The following SNX6 variants were observed in gnomAD, a reference collection of about 807,000 sequenced individuals.
The protein encoded by SNX6 is sorting nexin 6, also known as sorting nexin-6.
Under a neutral mutation model 63.0 loss-of-function variants are expected in SNX6, and 34 were observed. The observed-to-expected ratio is 0.54, with a 90% CI of 0.41 to 0.72. The LOEUF is 0.72. Among genes scored for constraint, SNX6 ranks in the 30% least tolerant of loss-of-function variants. The pLI, the probability that SNX6 is intolerant of heterozygous loss-of-function variation, is 0.00. For synonymous variants in SNX6, 170 were observed against 164.2 expected (o/e 1.04, Z -0.27); for missense variants, 398 against 471.4 (o/e 0.84, Z 1.44).
intron 2 of SNX6, chr14:34,629,700 C>T: frequency 3.6e-6 from 3 of 834,684 alleles, no homozygotes; most frequent in Non-Finnish European, 3.9e-6. Flanking sequence ...AAGAAAGCGG[C>T]CGCGGGTCCC....
chr14:34,612,166 C>A (rs1293613921), intron 2 of SNX6, among the ~76,000 whole-genome samples: 1 of 152,032 alleles, frequency 6.6e-6, no homozygotes, highest in East Asian at 1.9e-4. Flanking sequence ...GTCTTGAACT[C>A]CCGAGCTCAG....
chr14:34,594,709 T>C (rs1566478754), intron 7 of SNX6, among the ~76,000 whole-genome samples: 2 of 152,036 alleles, frequency 1.3e-5, no homozygotes, highest in Non-Finnish European at 2.9e-5. Context: ...TTACCAATCA[T>C]TAAATGAAAA....
chr14:34,602,348 C>G (rs974880921), intron 6 of SNX6, among the ~76,000 whole-genome samples: 3 of 151,678 alleles, frequency 2.0e-5, no homozygotes, highest in African/African-American at 7.3e-5. Flanking sequence ...ATTGCTTGAA[C>G]CAAGGAGGCA....
intron 5 of SNX6, among the ~76,000 whole-genome samples, chr14:34,604,710 G>GT (rs35057195): frequency 0.39 from 59,971 of 151,830 alleles, 13,140 homozygotes; most frequent in East Asian, 0.74. Flanking sequence ...TATGGGTTGA[G>GT]TATCCCTACC....
At chr14:34,583,035 G>A (rs1030102238) in intron 9 of SNX6, among the ~76,000 whole-genome samples, 11 of 151,034 alleles carry the variant, frequency 7.3e-5, no homozygotes, top group African/African-American at 1.9e-4. Context: ...GGCTGGGTGC[G>A]GTGGCTCATG....
In SNX6 at chr14:34,589,330, C is replaced by T. The variant is rs1203940943; in HGVS notation, c.719-3025G>A. Among the ~76,000 whole-genome samples the T allele has an allele frequency of 2.0e-5, 3 of 152,080 alleles. No homozygotes were observed. The South Asian group carries it at 6.2e-4, about 32-fold the overall frequency. ...ATTAGCCAGGCTTGGTGGTATGTGC[C>T]TGTAATCCCAGCTACTCATGAGGCT... is the stretch of plus-strand genomic sequence containing the variant. On this transcript the variant is annotated intron_variant, in intron 8 of 13. Transcript: ENST00000362031.
intron 5 of SNX6, chr14:34,604,134 C>T (rs1178803375): frequency 3.2e-6 from 4 of 1,267,738 alleles, no homozygotes; most frequent in African/African-American, 3.1e-5. Context: ...GTTTTACATA[C>T]CAGCAAACCA....
chr14:34,579,319 C>T (rs984183026), intron 10 of SNX6, among the ~76,000 whole-genome samples: 2 of 151,816 alleles, frequency 1.3e-5, no homozygotes, highest in African/African-American at 4.8e-5. Context: ...AATACTATAC[C>T]GCAAGAAGAA....
intron 8 of SNX6, 159 bp from the exon 9 acceptor site, chr14:34,586,464 T>C (rs1055531799): frequency 2.5e-6 from 1 of 402,584 alleles, no homozygotes; most frequent in Non-Finnish European, 4.6e-6. Flanking sequence ...CCCAACACTT[T>C]GGGAGGCTGG....
At chr14:34,587,053 A>G (rs1882195734) in intron 8 of SNX6, among the ~76,000 whole-genome samples, 2 of 150,530 alleles carry the variant, frequency 1.3e-5, no homozygotes, top group South Asian at 2.1e-4. Flanking sequence ...AATAAGAAGT[A>G]TAACTTTCTT....
intron 11 of SNX6, among the ~76,000 whole-genome samples, chr14:34,571,205 A>G (rs1881437036): frequency 6.6e-6 from 1 of 151,674 alleles, no homozygotes; most frequent in Admixed American, 6.6e-5. Flanking sequence ...AGGCTGAGGC[A>G]GGTGGATCAC....
At chr14:34,574,167 C>A (rs1881581634) in intron 11 of SNX6, among the ~76,000 whole-genome samples, 2 of 150,318 alleles carry the variant, frequency 1.3e-5, no homozygotes, top group South Asian at 4.2e-4. Flanking sequence ...GAAACTCCAT[C>A]TCTACTAAAA....
chr14:34,629,294 G>A (rs569571504), intron 2 of SNX6, among the ~76,000 whole-genome samples: 48 of 151,478 alleles, frequency 3.2e-4, no homozygotes, highest in African/African-American at 1.1e-3. Context: ...AGCTAAGGGG[G>A]AATAAAACAC....
intron 8 of SNX6, among the ~76,000 whole-genome samples, chr14:34,587,380 AG>A (rs1221141141): frequency 5.9e-5 from 9 of 151,748 alleles, no homozygotes; most frequent in Admixed American, 6.6e-5. Context: ...AAAATACAAA[AG>A]AATTAGCCGA....
intron 7 of SNX6, 101 bp downstream of exon 7, chr14:34,597,449 C>CA: frequency 1.3e-6 from 1 of 750,670 alleles, no homozygotes; most frequent in African/African-American, 1.8e-5. Context: ...TCTAACCGTC[C>CA]AAATGTCTTT....
Position 34,563,115 on chromosome 14 carries a change from G to C in SNX6, c.*7C>G. On this transcript the variant is annotated 3_prime_UTR_variant, in exon 14 of 14. Transcript: ENST00000362031. ...CAGCCCTTTTTAACAGGAAGGCGGAGTGTGGCTTATGTGTCTCCATTTAAC... is the reference window on the plus strand; with the variant it reads ...CAGCCCTTTTTAACAGGAAGGCGGACTGTGGCTTATGTGTCTCCATTTAAC... The C allele has an allele frequency of 1.2e-6, 2 of 1,613,496 alleles. No homozygotes were observed. The highest frequency in any genetic ancestry group is 1.7e-6 in the Non-Finnish European group (2 of 1,179,556).
chr14:34,613,225 C>T (rs1454134672), intron 2 of SNX6, among the ~76,000 whole-genome samples: 1 of 152,168 alleles, frequency 6.6e-6, no homozygotes, highest in East Asian at 1.9e-4. Flanking sequence ...GGAGGGAGAG[C>T]TGGCCCTGCC....
intron 2 of SNX6, among the ~76,000 whole-genome samples, chr14:34,625,603 C>T (rs1389251354): frequency 3.9e-5 from 6 of 152,134 alleles, no homozygotes; most frequent in South Asian, 2.1e-4. Context: ...GGCCTGGTGG[C>T]GGGCACCTAT....
At position 34,609,715 on chromosome 14, in the gene SNX6, T is replaced by G; in HGVS notation, c.82A>C (p.Ser28Arg). 6.2e-7 allele frequency: 1 copy of G among 1,612,110 alleles called. No individual in the cohort carries two copies. The highest frequency in any genetic ancestry group is 8.5e-7 in the Non-Finnish European group (1 of 1,178,796). ...ATGTCCACCTGCAGAGCAGCATCAC[T>G]TTGAAGATCTACATTTATTGCTTTA... ...GLKAINVDLQ[S>R]DAALQVDISD... Residue 28 changes from serine to arginine, a missense_variant, in exon 3 of 14, where the codon AGT becomes CGT. Transcript: ENST00000362031.
Sources: gnomAD v4.1 joint callset for allele counts (sites outside exome capture counted in the v4.1 genomes callset) on GRCh38, gnomAD v4.1.1 for gene constraint, MANE v1.5 for transcripts, NCBI Gene and HGNC (gene_info 2026-07-23, HGNC 2026-07-21) for gene names.